MARCHF1: variants seen among roughly 807,000 people sequenced by gnomAD.
MARCHF1 encodes the protein E3 ubiquitin-protein ligase MARCHF1.
In MARCHF1, 40 loss-of-function variants were observed where a neutral mutation model predicts 54.2. The observed-to-expected ratio is 0.74, with a 90% CI of 0.57 to 0.96. The LOEUF (loss-of-function observed/expected upper bound fraction) is 0.96. MARCHF1 is among the 40% of genes least tolerant of loss of function. MARCHF1 has a pLI of 0.00. For missense variants in MARCHF1, 586 were observed against 656.5 expected, an observed-to-expected ratio of 0.89 and a Z score of 1.17; for synonymous variants, 236 against 236.3, an observed-to-expected ratio of 1.00 and a Z score of 0.01.
intron 3 of MARCHF1, among the ~76,000 whole-genome samples, chr4:163,963,280 T>C (rs915152931): frequency 1.3e-5 from 2 of 151,972 alleles, no homozygotes; most frequent in African/African-American, 4.8e-5. Flanking sequence ...ATAAGGTCTA[T>C]ATTTTTCTCA....
At chr4:163,722,405 T>A (rs1222598662) in intron 4 of MARCHF1, among the ~76,000 whole-genome samples, 1 of 152,222 alleles carries the variant, frequency 6.6e-6, no homozygotes, top group Non-Finnish European at 1.5e-5. Context: ...CAGTTTGTTA[T>A]AATTTCTGTT....
chr4:164,077,572 G>C (rs1443217177), intron 2 of MARCHF1, among the ~76,000 whole-genome samples: 5 of 152,052 alleles, frequency 3.3e-5, no homozygotes, highest in South Asian at 4.1e-4. Context: ...GCAAAAGAAA[G>C]TAGCATCAGA....
chr4:164,049,480 T>C (rs6536778), intron 2 of MARCHF1, among the ~76,000 whole-genome samples: 2 of 151,592 alleles, frequency 1.3e-5, no homozygotes, highest in African/African-American at 4.9e-5. Flanking sequence ...ATCAGAGAGG[T>C]TAATGACTAA....
At position 164,189,973 on chromosome 4, in the gene MARCHF1, C is replaced by A. The variant is rs1488412749; in HGVS notation, c.-322-78311G>T. On this transcript the variant is annotated intron_variant, in intron 1 of 9. Transcript: ENST00000514618. ...ATTACCAATGACCAGAATCACCTGA[C>A]ACCTGAAGAAATCAAAAGGATGGTT... 6.6e-6 allele frequency: 10 copies of A among 1,513,496 alleles called. No homozygotes were observed. The Middle Eastern group carries it at 5.1e-4, about 77-fold the overall frequency. The allele number at this position is 1,513,496 out of a possible 1,614,324, so 93.8% of individuals were successfully genotyped here.
intron 7 of MARCHF1, among the ~76,000 whole-genome samples, chr4:163,611,914 A>G (rs1411572201): frequency 1.3e-5 from 2 of 152,080 alleles, no homozygotes; most frequent in African/African-American, 4.8e-5. Context: ...TCAGGATGCC[A>G]GCAAATTTGC....
intron 1 of MARCHF1, among the ~76,000 whole-genome samples, chr4:164,234,356 A>G (rs1012022330): frequency 6.6e-5 from 10 of 152,184 alleles, no homozygotes; most frequent in African/African-American, 2.4e-4. Context: ...ATATAATGCA[A>G]TGCCTACTTA....
intron 4 of MARCHF1, among the ~76,000 whole-genome samples, chr4:163,847,770 A>G (rs12511205): frequency 0.85 from 128,107 of 151,378 alleles, 55,807 homozygotes; most frequent in Non-Finnish European, 0.97. Context: ...TATTAGAGAC[A>G]GGATTTCACC....
intron 1 of MARCHF1, among the ~76,000 whole-genome samples, chr4:164,125,719 A>C (rs1463409229): frequency 6.6e-6 from 1 of 152,212 alleles, no homozygotes; most frequent in Non-Finnish European, 1.5e-5. Context: ...ACTGAGCTGC[A>C]CAGCAGGAAG....
At chr4:164,219,988 T>C (rs1039914728) in intron 1 of MARCHF1, among the ~76,000 whole-genome samples, 1 of 151,886 alleles carries the variant, frequency 6.6e-6, no homozygotes, top group Non-Finnish European at 1.5e-5. Context: ...AAGTTTATAG[T>C]TTTATTGCCT....
Position 163,694,246 on chromosome 4 carries a change from C to T in MARCHF1, c.162+6567G>A, listed in dbSNP as rs2111210799. Among the ~76,000 whole-genome samples the T allele has an allele frequency of 1.3e-5, 2 of 152,214 alleles. 1 individual carries two copies. The highest frequency in any genetic ancestry group is 4.1e-4 in the South Asian group (2 of 4,826). ...GTGCTGTGAGTATTCCACCAAAATCCCTTTGGGTCCCTCTCACTGGTTCAG... is the reference window on the plus strand; with the variant it reads ...GTGCTGTGAGTATTCCACCAAAATCTCTTTGGGTCCCTCTCACTGGTTCAG... On this transcript the variant is annotated intron_variant, in intron 5 of 9. Coordinates refer to ENST00000514618, the MANE Select transcript of MARCHF1 (RefSeq NM_001394959.1).
At chr4:164,072,305 A>G (rs1388723405) in intron 2 of MARCHF1, among the ~76,000 whole-genome samples, 1 of 152,176 alleles carries the variant, frequency 6.6e-6, no homozygotes, top group East Asian at 1.9e-4. Context: ...TAGAAACAAG[A>G]CTAGGTGCGA....
intron 7 of MARCHF1, among the ~76,000 whole-genome samples, chr4:163,595,096 G>A (rs1001785302): frequency 2.8e-5 from 4 of 142,706 alleles, no homozygotes; most frequent in Admixed American, 7.2e-5. Flanking sequence ...ATAAGCCAGC[G>A]AGTGGCTCAT....
At chr4:163,869,114 C>G (rs577174570) in intron 3 of MARCHF1, among the ~76,000 whole-genome samples, 22 of 151,556 alleles carry the variant, frequency 1.5e-4, no homozygotes, top group African/African-American at 5.3e-4. Flanking sequence ...CCCCAAAAAC[C>G]CCCCAAAAAA....
intron 4 of MARCHF1, among the ~76,000 whole-genome samples, chr4:163,832,313 C>T (rs2874464): frequency 0.79 from 120,671 of 151,790 alleles, 48,870 homozygotes; most frequent in South Asian, 0.91. Context: ...GCAATGCTGG[C>T]CTTTTCTCCG....
intron 4 of MARCHF1, among the ~76,000 whole-genome samples, chr4:163,836,214 AATTTATTT>A (rs66939546): frequency 0.82 from 113,096 of 137,754 alleles, 46,581 homozygotes; most frequent in South Asian, 0.86. Flanking sequence ...TGGTAGTTGC[AATTTATTT>A]ATTTATTTAT....
chr4:164,048,381 T>C (rs1049651234), intron 2 of MARCHF1, among the ~76,000 whole-genome samples: 2 of 152,122 alleles, frequency 1.3e-5, no homozygotes, highest in Admixed American at 1.3e-4. Flanking sequence ...ATAAAAACTG[T>C]CCTTGGAGTT....
chr4:163,676,743 A>G (rs1233910608), intron 5 of MARCHF1, among the ~76,000 whole-genome samples: 3 of 152,134 alleles, frequency 2.0e-5, no homozygotes, highest in Non-Finnish European at 4.4e-5. Context: ...ACAAGGTGAG[A>G]CCCTGTCCCA....
At chr4:164,289,584 GGAA>G (rs1734236090) in intron 1 of MARCHF1, among the ~76,000 whole-genome samples, 4 of 48,712 alleles carry the variant, frequency 8.2e-5, no homozygotes, top group African/African-American at 1.5e-4. Flanking sequence ...ATACTTAGAT[GGAA>G]AAAAAAAAAA....
intron 1 of MARCHF1, among the ~76,000 whole-genome samples, chr4:164,192,792 C>T (rs1293851101): frequency 6.6e-6 from 1 of 152,152 alleles, no homozygotes; most frequent in Non-Finnish European, 1.5e-5. Context: ...AAGTCCTCTT[C>T]CCCTTAAGAA....
Sources: gnomAD v4.1 joint callset for allele counts (sites outside exome capture counted in the v4.1 genomes callset) on GRCh38, gnomAD v4.1.1 for gene constraint, MANE v1.5 for transcripts, NCBI Gene and HGNC (gene_info 2026-07-23, HGNC 2026-07-21) for gene names.